Variants in IMMP2L observed in about 807,000 individuals in gnomAD.
IMMP2L encodes the protein inner mitochondrial membrane peptidase subunit 2.
In IMMP2L, 18 loss-of-function variants were observed where a neutral mutation model predicts 19.3. The ratio of observed to expected loss-of-function variants is 0.93; its 90% CI spans 0.64 to 1.38. The LOEUF is 1.38. Ranked by LOEUF, IMMP2L falls within the 40% of genes most tolerant of loss-of-function variation. The pLI is 0.00. For missense variants in IMMP2L, 233 were observed against 218.2 expected, an observed-to-expected ratio of 1.07 and a Z score of -0.43; for synonymous variants, 76 against 73.0, an observed-to-expected ratio of 1.04 and a Z score of -0.21.
At chr7:110,747,659 A>C (rs529255825) in intron 5 of IMMP2L, among the ~76,000 whole-genome samples, 26 of 152,284 alleles carry the variant, frequency 1.7e-4, no homozygotes, top group African/African-American at 5.8e-4. Context: ...ACATGATTAT[A>C]TCAATAGATG....
chr7:110,956,058 T>C (rs573725171), intron 4 of IMMP2L, among the ~76,000 whole-genome samples: 1 of 152,172 alleles, frequency 6.6e-6, no homozygotes, highest in African/African-American at 2.4e-5. Context: ...CCAGCTATGA[T>C]AGGCTAATAT....
chr7:110,892,678 C>T (rs1279596104), intron 4 of IMMP2L, among the ~76,000 whole-genome samples: 1 of 152,056 alleles, frequency 6.6e-6, no homozygotes, highest in Non-Finnish European at 1.5e-5. Context: ...CTACTCCCAA[C>T]CTCAAATTCT....
At chr7:111,444,991 C>A (rs1469635735) in intron 3 of IMMP2L, among the ~76,000 whole-genome samples, 2 of 151,968 alleles carry the variant, frequency 1.3e-5, no homozygotes, top group Admixed American at 6.6e-5. Flanking sequence ...GGTTTATAGT[C>A]TAATGTTGAG....
chr7:111,465,882 T>G (rs1371069896), intron 3 of IMMP2L, among the ~76,000 whole-genome samples: 2 of 152,144 alleles, frequency 1.3e-5, no homozygotes, highest in South Asian at 2.1e-4. Flanking sequence ...ACACGTATGT[T>G]TATTGCGGCA....
At chr7:111,351,716 G>A (rs37652) in intron 3 of IMMP2L, among the ~76,000 whole-genome samples, 25,871 of 148,194 alleles carry the variant, frequency 0.17, 3,449 homozygotes, top group African/African-American at 0.4. Context: ...ACTGTACTTT[G>A]TTATCTAATT....
At chr7:111,157,536 A>C (rs1403628529) in intron 3 of IMMP2L, among the ~76,000 whole-genome samples, 2 of 152,126 alleles carry the variant, frequency 1.3e-5, no homozygotes, top group South Asian at 2.1e-4. Flanking sequence ...AATGCAACTC[A>C]TAGAGGTAGA....
chr7:111,465,041 C>A (rs575590839), intron 3 of IMMP2L, among the ~76,000 whole-genome samples: 1 of 152,002 alleles, frequency 6.6e-6, no homozygotes, highest in Admixed American at 6.6e-5. Context: ...GTGATCCACC[C>A]GCCTTGGCCT....
At chr7:111,519,694 T>G (rs1259064807) in intron 2 of IMMP2L, among the ~76,000 whole-genome samples, 1 of 152,080 alleles carries the variant, frequency 6.6e-6, no homozygotes, top group Admixed American at 6.6e-5. Context: ...GCACAAGCCA[T>G]GAACATAGAT....
At chr7:110,861,916 G>A (rs1353766122) in intron 5 of IMMP2L, among the ~76,000 whole-genome samples, 2 of 151,792 alleles carry the variant, frequency 1.3e-5, no homozygotes, top group Non-Finnish European at 2.9e-5. Context: ...AGAAAATATG[G>A]GAAAACATAT....
intron 2 of IMMP2L, among the ~76,000 whole-genome samples, chr7:111,495,859 A>G: frequency 6.6e-6 from 1 of 152,170 alleles, no homozygotes; most frequent in East Asian, 1.9e-4. Context: ...GCTTATAAAA[A>G]GCACCACTCA....
At chr7:111,474,148 A>G (rs1841513513) in intron 3 of IMMP2L, among the ~76,000 whole-genome samples, 1 of 152,134 alleles carries the variant, frequency 6.6e-6, no homozygotes, top group Admixed American at 6.6e-5. Context: ...AAAGATGGCA[A>G]TAATAGACAC....
intron 3 of IMMP2L, among the ~76,000 whole-genome samples, chr7:111,316,910 C>G (rs998121775): frequency 2.4e-5 from 3 of 125,100 alleles, no homozygotes; most frequent in South Asian, 5.3e-4. Flanking sequence ...AGTGCAGTGG[C>G]GAGATCTCGG....
At chr7:111,395,664 C>A (rs904163326) in intron 3 of IMMP2L, among the ~76,000 whole-genome samples, 1 of 152,098 alleles carries the variant, frequency 6.6e-6, no homozygotes, top group Non-Finnish European at 1.5e-5. Context: ...TAATTGAAAG[C>A]ATAGTATAAT....
chr7:111,068,926 A>T (rs2129575150), intron 3 of IMMP2L, among the ~76,000 whole-genome samples: 1 of 152,260 alleles, frequency 6.6e-6, no homozygotes, highest in East Asian at 1.9e-4. Context: ...AATACAATAA[A>T]GTAATGATTG....
intron 3 of IMMP2L, among the ~76,000 whole-genome samples, chr7:111,068,767 T>C (rs899781723): frequency 2.0e-5 from 3 of 152,190 alleles, no homozygotes; most frequent in Non-Finnish European, 4.4e-5. Flanking sequence ...GCAACATTAA[T>C]AGACCCTGTC....
At chr7:111,268,659 C>CA (rs1313112794) in intron 3 of IMMP2L, among the ~76,000 whole-genome samples, 1 of 126,786 alleles carries the variant, frequency 7.9e-6, no homozygotes, top group African/African-American at 3.0e-5. Flanking sequence ...GTGGCATGAA[C>CA]GGGGCTCACT....
chr7:111,297,211 T>G (rs1821731621), intron 3 of IMMP2L, among the ~76,000 whole-genome samples: 1 of 151,958 alleles, frequency 6.6e-6, no homozygotes, highest in Admixed American at 6.6e-5. Flanking sequence ...CTGAAATGAA[T>G]CCATATAAAA....
chr7:111,509,539 A>G (rs1477750622), intron 2 of IMMP2L, among the ~76,000 whole-genome samples: 1 of 152,172 alleles, frequency 6.6e-6, no homozygotes, highest in African/African-American at 2.4e-5. Context: ...GGTCACAACC[A>G]ATGAGTGAGT....
At chr7:111,256,397 C>G (rs969098740) in intron 3 of IMMP2L, among the ~76,000 whole-genome samples, 1 of 151,984 alleles carries the variant, frequency 6.6e-6, no homozygotes, top group South Asian at 2.1e-4. Flanking sequence ...CTACATATAA[C>G]ACTGATAACT....
Sources: gnomAD v4.1 joint callset for allele counts (sites outside exome capture counted in the v4.1 genomes callset) on GRCh38, gnomAD v4.1.1 for gene constraint, MANE v1.5 for transcripts, NCBI Gene and HGNC (gene_info 2026-07-23, HGNC 2026-07-21) for gene names.